The following DMD variants were observed in gnomAD, a reference collection of about 807,000 sequenced individuals.
The protein encoded by DMD is dystrophin, also known as mutant dystrophin.
In DMD, 63 loss-of-function variants were observed where a neutral mutation model predicts 330.1. The ratio of observed to expected loss-of-function variants is 0.19; its 90% confidence interval spans 0.16 to 0.24. The LOEUF (loss-of-function observed/expected upper bound fraction) is 0.24. Ranked by LOEUF, DMD falls within the 10% of genes least tolerant of loss-of-function variation. DMD has a pLI of 1.00. For missense variants in DMD, 3,344 were observed against 2,684.1 expected, an observed-to-expected ratio of 1.25 and a Z score of -5.43; for synonymous variants, 1,223 against 959.8, an observed-to-expected ratio of 1.27 and a Z score of -5.07.
intron 48 of DMD, among the ~76,000 whole-genome samples, chrX:31,856,801 C>T (rs868447896): frequency 2.7e-5 from 3 of 111,731 alleles, no homozygotes; most frequent in Non-Finnish European, 5.6e-5. Flanking sequence ...TATGCTAATA[C>T]CAGAAGACGT....
intron 45 of DMD, among the ~76,000 whole-genome samples, chrX:31,952,963 C>A (rs1006521803): frequency 8.9e-6 from 1 of 112,062 alleles, no homozygotes; most frequent in African/African-American, 3.2e-5. Context: ...AAACTGTATG[C>A]CTAGTTTCCT....
intron 1 of DMD, among the ~76,000 whole-genome samples, chrX:33,095,039 A>G (rs1233039365): frequency 8.9e-6 from 1 of 112,181 alleles, no homozygotes; most frequent in African/African-American, 3.2e-5. Context: ...AAAGTAGTAT[A>G]TACAATATGC....
At position 31,439,817 on chromosome X, in the gene DMD, T is replaced by C. The variant is rs568306279; in HGVS notation, c.9084+4664A>G. 5.4e-5 allele frequency among the ~76,000 whole-genome samples: 6 copies of C among 112,087 alleles called. No homozygotes were observed. The South Asian group carries it at 2.2e-3, about 42-fold the overall frequency. The stretch of plus-strand genomic sequence containing the variant: ...AGAAAGGTTTATCATCATTTTAACT[T>C]TTTTCTCACCTGGTTTAGATATTCG... On this transcript the variant is annotated intron_variant, in intron 60 of 78. Coordinates refer to ENST00000357033, the MANE Select transcript of DMD (RefSeq NM_004006.3).
chrX:33,201,854 C>A (rs1172930948), intron 1 of DMD, among the ~76,000 whole-genome samples: 1 of 112,249 alleles, frequency 8.9e-6, no homozygotes, highest in Non-Finnish European at 1.9e-5. Flanking sequence ...TCTAAAAGAA[C>A]AACTAGTGAG....
intron 62 of DMD, among the ~76,000 whole-genome samples, chrX:31,269,433 T>C (rs2051442523): frequency 9.0e-6 from 1 of 111,500 alleles, no homozygotes; most frequent in South Asian, 3.8e-4. Context: ...AAACTTCAGC[T>C]AAAATTTTGA....
At chrX:31,860,881 T>C (rs1441691587) in intron 48 of DMD, among the ~76,000 whole-genome samples, 1 of 112,290 alleles carries the variant, frequency 8.9e-6, no homozygotes, top group African/African-American at 3.2e-5. Flanking sequence ...TTTAAATCTC[T>C]ACTTGTGCTA....
chrX:31,972,160 G>T (rs975814078), intron 44 of DMD, among the ~76,000 whole-genome samples: 1 of 111,610 alleles, frequency 9.0e-6, no homozygotes, highest in African/African-American at 3.3e-5. Flanking sequence ...GAGTTGGGAA[G>T]CAGGAAGGAC....
chrX:33,241,198 C>G (rs1258952520), intron 1 of DMD, among the ~76,000 whole-genome samples: 3 of 111,873 alleles, frequency 2.7e-5, no homozygotes, highest in Non-Finnish European at 3.8e-5. Flanking sequence ...TCAGGTCTTA[C>G]GTTTATGCCT....
At chrX:33,113,265 C>T (rs2095355067) in intron 1 of DMD, among the ~76,000 whole-genome samples, 1 of 109,450 alleles carries the variant, frequency 9.1e-6, no homozygotes, top group Admixed American at 9.9e-5. Context: ...CCATGTTGGC[C>T]AGGCTGGTCT....
In DMD at chrX:31,176,745, T is replaced by C. The variant is rs774829521; in HGVS notation, c.10262+1187A>G. Reference sequence around the variant, plus strand: ...TGAACCTAAATAACTCCCTAAGTTCTTTAAGCATGATGATTAAATAAATCA... The same window carrying C: ...TGAACCTAAATAACTCCCTAAGTTCCTTAAGCATGATGATTAAATAAATCA... On this transcript the variant is annotated intron_variant, in intron 71 of 78. Coordinates refer to ENST00000357033, the MANE Select transcript of DMD (RefSeq NM_004006.3). Among the ~76,000 whole-genome samples, 9 of 111,469 alleles carry C rather than the reference T, an allele frequency of 8.1e-5. No individual in the cohort carries two copies. In the South Asian group the frequency reaches 3.0e-3, roughly 37 times the overall value.
At chrX:32,148,602 T>TA (rs753333585) in intron 44 of DMD, among the ~76,000 whole-genome samples, 6,130 of 103,526 alleles carry the variant, frequency 0.059, 176 homozygotes, top group Non-Finnish European at 0.068. Flanking sequence ...CCCCTTTGAT[T>TA]AAAAAAAAAA....
intron 51 of DMD, among the ~76,000 whole-genome samples, chrX:31,769,632 T>G (rs73459901): frequency 0.13 from 14,581 of 111,223 alleles, 700 homozygotes; most frequent in East Asian, 0.19. Flanking sequence ...TATCTCATGT[T>G]TTAAGAAAGT....
chrX:31,346,545 C>T (rs1285115143), intron 61 of DMD, among the ~76,000 whole-genome samples: 2 of 110,958 alleles, frequency 1.8e-5, no homozygotes, highest in African/African-American at 6.6e-5. Context: ...TAACATTAAT[C>T]AGAGGAAAAC....
intron 1 of DMD, among the ~76,000 whole-genome samples, chrX:33,046,200 A>G (rs1170312142): frequency 9.0e-6 from 1 of 111,584 alleles, no homozygotes; most frequent in African/African-American, 3.3e-5. Flanking sequence ...AGACCTGAAA[A>G]GTCACTGAAT....
At chrX:31,325,446 C>CAAA (rs386416849) in intron 61 of DMD, among the ~76,000 whole-genome samples, 1,346 of 50,936 alleles carry the variant, frequency 0.026, 32 homozygotes, top group African/African-American at 0.051. Context: ...CTAAAAATAC[C>CAAA]AAAAAAAAAA....
intron 52 of DMD, among the ~76,000 whole-genome samples, chrX:31,689,609 G>GA (rs905159780): frequency 1.1e-4 from 12 of 111,127 alleles, no homozygotes; most frequent in Non-Finnish European, 2.1e-4. Flanking sequence ...CACAGAATTG[G>GA]AAAAAACTAC....
chrX:32,495,221 CTG>C (rs914438136), intron 19 of DMD, among the ~76,000 whole-genome samples: 2 of 111,865 alleles, frequency 1.8e-5, no homozygotes, highest in Non-Finnish European at 3.8e-5. Context: ...AGGGCATAAA[CTG>C]TCCTTCTAAA....
At chrX:31,663,484 C>T (rs2081250411) in intron 53 of DMD, among the ~76,000 whole-genome samples, 1 of 111,687 alleles carries the variant, frequency 9.0e-6, no homozygotes, top group Non-Finnish European at 1.9e-5. Flanking sequence ...CCTGACAACA[C>T]GAACTGAAAG....
intron 7 of DMD, among the ~76,000 whole-genome samples, chrX:32,807,352 T>C (rs896158994): frequency 4.2e-4 from 47 of 110,828 alleles, no homozygotes; most frequent in African/African-American, 1.4e-3. Flanking sequence ...GAAACCTGTT[T>C]AAGCGATAAG....
Sources: allele counts gnomAD v4.1 joint callset (sites outside exome capture counted in the v4.1 genomes callset), GRCh38; gene constraint gnomAD v4.1.1; transcripts MANE v1.5; gene names NCBI Gene and HGNC (gene_info 2026-07-23, HGNC 2026-07-21).